Variants in STK3 observed in about 807,000 individuals in gnomAD.
The protein encoded by STK3 is serine/threonine kinase 3.
Under a neutral mutation model 58.0 loss-of-function variants are expected in STK3, and 41 were observed. That is an observed-to-expected ratio of 0.71 (90% CI 0.55 to 0.92). STK3 has a LOEUF of 0.92. Among genes scored for constraint, STK3 ranks in the 40% least tolerant of loss-of-function variants. The pLI, the probability that STK3 is intolerant of heterozygous loss-of-function variation, is 0.00. For synonymous variants in STK3, 170 were observed against 191.0 expected (o/e 0.89, Z 0.91); for missense variants, 479 against 602.7 (o/e 0.79, Z 2.15).
chr8:98,873,419 G>C, intron 3 of STK3, among the ~76,000 whole-genome samples: 1 of 152,162 alleles, frequency 6.6e-6, no homozygotes, highest in Admixed American at 6.5e-5. Flanking sequence ...TTGTTGATCT[G>C]TCTAATGTTG....
intron 3 of STK3, among the ~76,000 whole-genome samples, chr8:98,423,261 T>G (rs1379897067): frequency 6.6e-6 from 1 of 152,210 alleles, no homozygotes; most frequent in Admixed American, 6.5e-5. Context: ...AAGGCTCCAG[T>G]TTAGACTGGG....
chr8:98,853,963 A>T (rs1836574613), intron 3 of STK3, among the ~76,000 whole-genome samples: 1 of 152,216 alleles, frequency 6.6e-6, no homozygotes. Flanking sequence ...TAGAAGAGGC[A>T]GGAACACTTC....
chr8:98,443,582 T>C (rs1235144034), intron 1 of STK3, among the ~76,000 whole-genome samples: 1 of 152,056 alleles, frequency 6.6e-6, no homozygotes, highest in Non-Finnish European at 1.5e-5. Flanking sequence ...GCATGGTGGC[T>C]CATGCCTCTA....
chr8:98,571,577 A>T (rs1293056038), intron 8 of STK3, among the ~76,000 whole-genome samples: 1 of 152,212 alleles, frequency 6.6e-6, no homozygotes, highest in Non-Finnish European at 1.5e-5. Context: ...CAACCTGAAC[A>T]GCTCTGAGTT....
In STK3 at chr8:98,760,438, C is replaced by G. The variant is rs1358188203; in HGVS notation, c.236+6805G>C. 5.3e-5 allele frequency among the ~76,000 whole-genome samples: 8 copies of G among 152,226 alleles called. No homozygotes were observed. In the East Asian group the frequency reaches 1.4e-3, roughly 26 times the overall value. ...TACAGGCGTGAGCCACTGTGCCTGG[C>G]TAGTTTTGTCTCTTTTAAAGAGGAG... On this transcript the variant is annotated intron_variant, in intron 3 of 10. Coordinates refer to ENST00000419617, the MANE Select transcript of STK3 (RefSeq NM_006281.4).
chr8:98,587,075 G>T (rs1277206044), intron 7 of STK3, among the ~76,000 whole-genome samples: 2 of 151,916 alleles, frequency 1.3e-5, no homozygotes, highest in Non-Finnish European at 2.9e-5. Context: ...TTTTTTGAAG[G>T]GTTTTTTGTG....
In STK3 at chr8:98,592,250, C is replaced by T. The variant is rs1490082843; in HGVS notation, c.822+3782G>A. ...CTGTATCTAAACTCAGACACCACTTCTCTAACTGGTGTTTCTATTCTGGCT... is the reference window on the plus strand; with the variant it reads ...CTGTATCTAAACTCAGACACCACTTTTCTAACTGGTGTTTCTATTCTGGCT... On this transcript the variant is annotated intron_variant, in intron 7 of 10. Transcript: ENST00000419617. Among the ~76,000 whole-genome samples the T allele has an allele frequency of 2.0e-5, 3 of 152,330 alleles. No homozygotes were observed. In the East Asian group the frequency reaches 5.8e-4, roughly 29 times the overall value.
At chr8:98,402,097 T>C (rs1817949279) in intron 3 of STK3, among the ~76,000 whole-genome samples, 1 of 152,204 alleles carries the variant, frequency 6.6e-6, no homozygotes. Context: ...CCAGGTATAA[T>C]TGGTATTAAT....
intron 3 of STK3, among the ~76,000 whole-genome samples, chr8:98,415,228 G>T (rs1818101442): frequency 6.6e-6 from 1 of 152,134 alleles, no homozygotes; most frequent in African/African-American, 2.4e-5. Context: ...CCAGAATCTT[G>T]AACTGGGACC....
chr8:98,576,814 C>T (rs1380265270), intron 8 of STK3, among the ~76,000 whole-genome samples: 1 of 152,168 alleles, frequency 6.6e-6, no homozygotes, highest in African/African-American at 2.4e-5. Flanking sequence ...GGAAGTTGCT[C>T]TAGCTCATGG....
At chr8:98,855,064 C>CAAA (rs1381645525) in intron 3 of STK3, among the ~76,000 whole-genome samples, 4 of 151,878 alleles carry the variant, frequency 2.6e-5, no homozygotes, top group South Asian at 2.1e-4. Flanking sequence ...CTCAAAACAA[C>CAAA]AACAACAACA....
At chr8:98,500,136 G>A (rs542628494) in intron 10 of STK3, among the ~76,000 whole-genome samples, 1 of 151,234 alleles carries the variant, frequency 6.6e-6, no homozygotes, top group South Asian at 2.1e-4. Context: ...AAGAGGGGAG[G>A]CAGAGAGGTT....
At chr8:98,418,893 GCAGA>G (rs1156991613) in intron 3 of STK3, among the ~76,000 whole-genome samples, 2 of 152,178 alleles carry the variant, frequency 1.3e-5, no homozygotes, top group African/African-American at 2.4e-5. Context: ...GCCACAACCT[GCAGA>G]CAAAGACATG....
chr8:98,857,469 G>A (rs575789580), intron 3 of STK3, among the ~76,000 whole-genome samples: 1 of 150,366 alleles, frequency 6.7e-6, no homozygotes, highest in East Asian at 1.9e-4. Flanking sequence ...CACCTGTCAT[G>A]TCTTTCAAAG....
intron 4 of STK3, among the ~76,000 whole-genome samples, chr8:98,712,828 T>C (rs1364436701): frequency 1.3e-5 from 2 of 151,054 alleles, no homozygotes; most frequent in African/African-American, 4.9e-5. Flanking sequence ...CAACAGAATA[T>C]ACATTCTTTT....
At position 98,639,373 on chromosome 8, in the gene STK3, A is replaced by G. The variant is rs564128624; in HGVS notation, c.685-43204T>C. ...AGCAATCCACCCACCTCAGCCTCCCAAAGTGCTGGGATTATAGGCATGAGG... is the reference window on the plus strand; with the variant it reads ...AGCAATCCACCCACCTCAGCCTCCCGAAGTGCTGGGATTATAGGCATGAGG... On this transcript the variant is annotated intron_variant, in intron 6 of 10. Transcript: ENST00000419617. Among the ~76,000 whole-genome samples the G allele has an allele frequency of 6.8e-4, 104 of 152,302 alleles. 1 individual carries two copies. The highest frequency in any genetic ancestry group is 2.5e-3 in the African/African-American group (103 of 41,562).
chr8:98,694,068 C>A (rs1195144268), intron 6 of STK3, among the ~76,000 whole-genome samples: 1 of 152,098 alleles, frequency 6.6e-6, no homozygotes, highest in Non-Finnish European at 1.5e-5. Flanking sequence ...TTGATATGCA[C>A]TATAAAGAAT....
chr8:98,691,610 G>C (rs1824408098), intron 6 of STK3, among the ~76,000 whole-genome samples: 1 of 152,082 alleles, frequency 6.6e-6, no homozygotes, highest in Non-Finnish European at 1.5e-5. Flanking sequence ...GTACTAGAGA[G>C]AGGTTAAACA....
intron 3 of STK3, among the ~76,000 whole-genome samples, chr8:98,830,968 T>TC (rs1835510381): frequency 1.7e-5 from 1 of 57,412 alleles, no homozygotes; most frequent in Non-Finnish European, 3.4e-5. Context: ...AGACTCTGTC[T>TC]CAAAAAAAAA....
Sources: allele counts gnomAD v4.1 joint callset (sites outside exome capture counted in the v4.1 genomes callset), GRCh38; gene constraint gnomAD v4.1.1; transcripts MANE v1.5; gene names NCBI Gene and HGNC (gene_info 2026-07-23, HGNC 2026-07-21).